The following DLAT variants were observed in gnomAD, a reference collection of about 807,000 sequenced individuals.
The protein encoded by DLAT is dihydrolipoyllysine-residue acetyltransferase component of pyruvate dehydrogenase complex, mitochondrial.
DLAT carries 43 observed loss-of-function variants against 68.0 expected under a neutral mutation model. That is an observed-to-expected ratio of 0.63 (90% confidence interval 0.50 to 0.81). The LOEUF (loss-of-function observed/expected upper bound fraction) is 0.81, where lower values mean the gene tolerates loss of function less well. DLAT is among the 40% of genes least tolerant of loss of function. The probability of loss-of-function intolerance (pLI) is 0.00; values close to 1 mark genes in which losing one functional copy is unlikely to be tolerated. For synonymous variants in DLAT, 265 were observed against 288.6 expected, an observed-to-expected ratio of 0.92 and a Z score of 0.83; for missense variants, 745 against 815.4, an observed-to-expected ratio of 0.91 and a Z score of 1.05.
In DLAT at chr11:112,045,135, T is replaced by C. The variant is rs782128609; in HGVS notation, c.1198-3T>C. 6.2e-7 allele frequency: 1 copy of C among 1,613,324 alleles called. No homozygotes were observed. The highest frequency in any genetic ancestry group is 8.5e-7 in the Non-Finnish European group (1 of 1,179,470). On this transcript the variant is annotated splice_polypyrimidine_tract_variant and splice_region_variant and intron_variant, in intron 8 of 13. Transcript: ENST00000280346. ...ACTAAGAGCTTTTTCTTTCCTCCCA[T>C]AGGCTCCGGCAGCTGTTGTGCCTCC...
chr11:112,037,026 C>T (rs1555180565), intron 5 of DLAT, among the ~76,000 whole-genome samples: 1 of 152,082 alleles, frequency 6.6e-6, no homozygotes, highest in Non-Finnish European at 1.5e-5. Flanking sequence ...TGTATTATTT[C>T]TAAGAACTTG....
rs1566642089 is a variant in DLAT, at chr11:112,061,063, T to C, written c.1703T>C (p.Leu568Ser). ...GGTGGCACTTTTACGATCTCCAATT[T>C]AGGAATGTTTGGAATTAAGAATTTC... ...FQGGTFTISN[L>S]GMFGIKNFSA... The change falls in exon 13 of 14, where the codon TTA (leucine) becomes TCA (serine). Residue 568 changes from leucine to serine, a missense_variant. Leu to Ser is a moderately radical substitution (Grantham distance 145). Coordinates refer to ENST00000280346, the MANE Select transcript of DLAT (RefSeq NM_001931.5). 10 of 1,609,154 alleles carry C rather than the reference T, an allele frequency of 6.2e-6. No individual in the cohort carries two copies. The highest frequency in any genetic ancestry group is 8.5e-6 in the Non-Finnish European group (10 of 1,177,160).
At chr11:112,048,878 T>A (rs183600773) in intron 10 of DLAT, among the ~76,000 whole-genome samples, 1 of 152,080 alleles carries the variant, frequency 6.6e-6, no homozygotes, top group East Asian at 1.9e-4. Context: ...CTGTATACCC[T>A]TAATGTCAGT....
At position 112,059,902 on chromosome 11, in the gene DLAT, G is replaced by T. The variant is rs1555182999; in HGVS notation, c.1515-1G>T. 1 of 1,599,654 alleles carries T rather than the reference G, an allele frequency of 6.3e-7. No homozygotes were observed. The highest frequency in any genetic ancestry group is 1.7e-5 in the Admixed American group (1 of 58,862). ...TTATATTTATTTTTCTTTTTAAACA[G>T]AAATCATGTTGTTGATGTCAGTGTT... On this transcript the variant is annotated splice_acceptor_variant, in intron 11 of 13. Transcript: ENST00000280346. LOFTEE classifies it high-confidence loss of function.
chr11:112,044,814 C>T (rs1863221038), intron 8 of DLAT, among the ~76,000 whole-genome samples: 1 of 152,142 alleles, frequency 6.6e-6, no homozygotes, highest in Non-Finnish European at 1.5e-5. Flanking sequence ...GGGTGGATCA[C>T]TTGAGCCCAG....
At chr11:112,059,353 C>CTT (rs1229235062) in intron 11 of DLAT, among the ~76,000 whole-genome samples, 7 of 130,648 alleles carry the variant, frequency 5.4e-5, no homozygotes, top group East Asian at 2.2e-4. Context: ...ATTTCTCATT[C>CTT]TTTTTTTTTT....
rs1864189634 is a variant in DLAT at position 112,057,752 on chromosome 11, A to G, written c.1515-2151A>G. 1.3e-5 allele frequency among the ~76,000 whole-genome samples: 2 copies of G among 151,514 alleles called. 1 individual carries two copies. The highest frequency in any genetic ancestry group is 4.1e-4 in the South Asian group (2 of 4,830). Reference sequence around the variant, plus strand: ...CATAAAAGTACAGGGTGAAGCAGCAAATTATTCAGAAGATACAGCTAAGAT... The same window carrying G: ...CATAAAAGTACAGGGTGAAGCAGCAGATTATTCAGAAGATACAGCTAAGAT... On this transcript the variant is annotated intron_variant, in intron 11 of 13. Coordinates refer to ENST00000280346, the MANE Select transcript of DLAT (RefSeq NM_001931.5).
chr11:112,051,306 G>T lies in DLAT; in HGVS notation c.1471G>T (p.Val491Phe). ...IKASALACLK[V>F]PEANSSWMDT... The stretch of plus-strand genomic sequence containing the variant: ...AGCTTCAGCTTTGGCATGTTTAAAA[G>T]TTCCCGAAGCAAATTCTTCTTGGAT... The change falls in exon 11 of 14, where the codon GTT (valine) becomes TTT (phenylalanine). Residue 491 changes from valine to phenylalanine, a missense_variant. Val to Phe is a conservative substitution (Grantham distance 50). Transcript: ENST00000280346. The surrounding 1 kb of genome is among the most constrained non-coding windows in gnomAD (Gnocchi z 4.3). The T allele has an allele frequency of 6.2e-7, 1 of 1,613,730 alleles. No homozygotes were observed. The highest frequency in any genetic ancestry group is 8.5e-7 in the Non-Finnish European group (1 of 1,179,986).
In DLAT at chr11:112,028,965, T is replaced by G; in HGVS notation, c.660+20T>G. On this transcript the variant is annotated intron_variant, in intron 4 of 13. Coordinates refer to ENST00000280346, the MANE Select transcript of DLAT (RefSeq NM_001931.5). Reference sequence around the variant, plus strand: ...ATGCAGGTGAGGCTCAGCCTCTGAGTTTTTGCTCTAGGTGATTACTTACTT... The same window carrying G: ...ATGCAGGTGAGGCTCAGCCTCTGAGGTTTTGCTCTAGGTGATTACTTACTT... The G allele has an allele frequency of 6.2e-7, 1 of 1,613,566 alleles. No individual in the cohort carries two copies. Among genetic ancestry groups the G allele is most frequent in the Non-Finnish European group, 8.5e-7 (1 of 1,179,932 alleles).
intron 5 of DLAT, among the ~76,000 whole-genome samples, chr11:112,036,181 GTGTGTGTGTGTGTGTGTGTGTTTTTTTTT>G (rs1862734970): frequency 1.4e-5 from 1 of 69,808 alleles, no homozygotes; most frequent in Non-Finnish European, 2.8e-5. Context: ...GTGTGTGTGT[GTGTGTGTGTGTGTGTGTGTGTTTTTTTTT>G]TTTTTTTTTT....
At chr11:112,043,820 T>C (rs1863164937) in intron 8 of DLAT, among the ~76,000 whole-genome samples, 2 of 152,230 alleles carry the variant, frequency 1.3e-5, no homozygotes, top group Non-Finnish European at 2.9e-5. Flanking sequence ...AGATTACTTA[T>C]AATATTAAAT....
chr11:112,053,961 T>A lies in DLAT; in HGVS notation c.1514+2612T>A, dbSNP rs143277561. Among the ~76,000 whole-genome samples, 146 of 152,222 alleles carry A rather than the reference T, an allele frequency of 9.6e-4. 3 individuals carry two copies. In the East Asian group the frequency reaches 0.027, roughly 28 times the overall value. On this transcript the variant is annotated intron_variant, in intron 11 of 13. Coordinates refer to ENST00000280346, the MANE Select transcript of DLAT (RefSeq NM_001931.5). Reference sequence around the variant, plus strand: ...GTAGGTTTGTTATGCCCTTCCTACATACACACACATAACACCATCTTCCCA... The same window carrying A: ...GTAGGTTTGTTATGCCCTTCCTACAAACACACACATAACACCATCTTCCCA...
intron 2 of DLAT, among the ~76,000 whole-genome samples, chr11:112,026,981 T>C (rs1258102562): frequency 3.2e-4 from 47 of 146,034 alleles, no homozygotes; most frequent in African/African-American, 1.1e-3. Context: ...GGCGGCTGGC[T>C]GGGCGGGGGG....
At chr11:112,026,481 G>GGA (rs1334996703) in intron 2 of DLAT, among the ~76,000 whole-genome samples, 182 bp downstream of exon 2, 1 of 152,062 alleles carries the variant, frequency 6.6e-6, no homozygotes, top group Non-Finnish European at 1.5e-5. Flanking sequence ...GCCTTCCGCA[G>GGA]TGTTTGTGTC....
chr11:112,064,101 T>C lies in DLAT; in HGVS notation c.*1566T>C. 4.6e-6 allele frequency: 6 copies of C among 1,312,148 alleles called. No homozygotes were observed. Among genetic ancestry groups the C allele is most frequent in the Non-Finnish European group, 6.2e-6 (6 of 965,910 alleles). The allele number at this position is 1,312,148 out of a possible 1,614,324, so 81.3% of individuals were successfully genotyped here. A position where few individuals can be genotyped will look rare whatever the true frequency, so the allele number is the denominator to read the frequency against. On this transcript the variant is annotated 3_prime_UTR_variant, in exon 14 of 14. Transcript: ENST00000280346. ...GTAATTAGTAATTTTAGGTTGAAGA[T>C]TATCCAAAAGAAACAAGCTTATCAC...
chr11:112,040,534 A>G (rs1386468563), intron 7 of DLAT, among the ~76,000 whole-genome samples: 1 of 151,916 alleles, frequency 6.6e-6, no homozygotes, highest in South Asian at 2.1e-4. Context: ...TATTTCCCCA[A>G]TTTTCTAGTT....
At chr11:112,028,700 T>C in intron 3 of DLAT, 61 bp downstream of exon 3, 1 of 1,614,082 alleles carries the variant, frequency 6.2e-7, no homozygotes, top group East Asian at 2.2e-5. Context: ...TTACCCAGAA[T>C]TGAGAATTAG....
chr11:112,060,260 A>C (rs781764768), intron 12 of DLAT, among the ~76,000 whole-genome samples, 195 bp downstream of exon 12: 41 of 136,740 alleles, frequency 3.0e-4, no homozygotes, highest in Non-Finnish European at 6.1e-4. Context: ...CTCCTGGGTT[A>C]CGCCATTCTC....
intron 10 of DLAT, among the ~76,000 whole-genome samples, chr11:112,047,605 G>A (rs1393416239): frequency 6.6e-5 from 10 of 152,104 alleles, no homozygotes; most frequent in African/African-American, 1.9e-4. Context: ...TAGGTCTTAC[G>A]TTTAAGTCTT....
Sources: gnomAD v4.1 joint callset for allele counts (sites outside exome capture counted in the v4.1 genomes callset) on GRCh38, gnomAD v4.1.1 for gene constraint, Gnocchi (gnomAD v3.1) non-coding constraint, MANE v1.5 for transcripts, NCBI Gene and HGNC (gene_info 2026-07-23, HGNC 2026-07-21) for gene names.